GRIN2B: variants seen among roughly 807,000 people sequenced by gnomAD.
The protein encoded by GRIN2B is glutamate ionotropic receptor NMDA type subunit 2B.
Under a neutral mutation model 114.5 loss-of-function variants are expected in GRIN2B, and 5 were observed. The observed-to-expected ratio is 0.04, with a 90% CI of 0.02 to 0.09. The LOEUF (loss-of-function observed/expected upper bound fraction) is 0.09, where lower values mean the gene tolerates loss of function less well. Among genes scored for constraint, GRIN2B ranks in the 10% least tolerant of loss-of-function variants. The probability of loss-of-function intolerance (pLI) is 1.00; values close to 1 mark genes in which losing one functional copy is unlikely to be tolerated. For synonymous variants in GRIN2B, 787 were observed against 745.1 expected (o/e 1.06, Z -0.92); for missense variants, 1,108 against 1,943.5 (o/e 0.57, Z 8.08).
chr12:13,883,978 T>C (rs1372429774), intron 2 of GRIN2B, among the ~76,000 whole-genome samples: 1 of 152,212 alleles, frequency 6.6e-6, no homozygotes, highest in Non-Finnish European at 1.5e-5. Flanking sequence ...TGGCACAAGC[T>C]ATGAGTCGAG....
At position 13,579,796 on chromosome 12, in the gene GRIN2B, A is replaced by G. The variant is rs74993770; in HGVS notation, c.2011-7832T>C. ...TAAGAAGGAACAGACGCATTGTCAG[A>G]TATTTCCCTACACTACTAGCTAACA... is the stretch of plus-strand genomic sequence containing the variant. On this transcript the variant is annotated intron_variant, in intron 10 of 13. Coordinates refer to ENST00000609686, the MANE Select transcript of GRIN2B (RefSeq NM_000834.5). Among the ~76,000 whole-genome samples, 1,609 of 151,880 alleles carry G rather than the reference A, an allele frequency of 0.011. 52 individuals are homozygous for G. In the East Asian group the frequency reaches 0.12, roughly 11 times the overall value.
chr12:13,563,848 C>T lies in GRIN2B; in HGVS notation c.3390G>A (p.Arg1130=). The change falls in exon 14 of 14, where the codon CGG becomes CGA. Residue 1130 remains arginine, a synonymous_variant. Transcript: ENST00000609686. ...KRYFRDKEGL[R]DFYLDQFRTK... ...TTCGGAACTGGTCCAGGTAGAAGTC[C>T]CGTAGCCCTTCCTTGTCCCTGAAGT... 6.2e-7 allele frequency: 1 copy of T among 1,614,110 alleles called. No homozygotes were observed. The highest frequency in any genetic ancestry group is 8.5e-7 in the Non-Finnish European group (1 of 1,180,026).
rs370598393 is a variant in GRIN2B, at chr12:13,925,640, G to A, written c.-19+54288C>T. On this transcript the variant is annotated intron_variant, in intron 2 of 13. Transcript: ENST00000609686. ...GCCTCACACTTAAGGAAGGACCCCC[G>A]AAACACCCCGCACTTCCCTAACAGC... Among the ~76,000 whole-genome samples the A allele has an allele frequency of 7.9e-5, 12 of 151,978 alleles. No homozygotes were observed. In the East Asian group the frequency reaches 9.7e-4, roughly 12 times the overall value.
At position 13,738,107 on chromosome 12, in the gene GRIN2B, A is replaced by G. The variant is rs138089267; in HGVS notation, c.1010+15210T>C. Among the ~76,000 whole-genome samples the G allele has an allele frequency of 1.2e-3, 178 of 150,908 alleles. 1 individual carries two copies. The highest frequency in any genetic ancestry group is 1.9e-3 in the Non-Finnish European group (132 of 67,886). ...GCCTCCAGGAGAAACACTGTAAGATAAAGACAACCCACCATTTCTTTTCTT... is the reference window on the plus strand; with the variant it reads ...GCCTCCAGGAGAAACACTGTAAGATGAAGACAACCCACCATTTCTTTTCTT... On this transcript the variant is annotated intron_variant, in intron 4 of 13. Transcript: ENST00000609686.
chr12:13,714,286 C>G (rs2268114), intron 4 of GRIN2B, among the ~76,000 whole-genome samples: 103,992 of 151,650 alleles, frequency 0.69, 35,892 homozygotes, highest in Middle Eastern at 0.78. Flanking sequence ...CAAACAGGAG[C>G]AAAGCAGATC....
chr12:13,932,744 C>G (rs556466456), intron 2 of GRIN2B, among the ~76,000 whole-genome samples: 16 of 152,116 alleles, frequency 1.1e-4, no homozygotes, highest in Admixed American at 5.2e-4. Context: ...AGTCAAGAAC[C>G]AAAAGGTTGG....
chr12:13,847,462 A>G (rs1865489623), intron 3 of GRIN2B, among the ~76,000 whole-genome samples: 1 of 152,148 alleles, frequency 6.6e-6, no homozygotes, highest in Non-Finnish European at 1.5e-5. Flanking sequence ...GATAGCTCCA[A>G]AAGTCAAGAG....
chr12:13,714,737 T>G (rs1448220405), intron 4 of GRIN2B, among the ~76,000 whole-genome samples: 1 of 151,916 alleles, frequency 6.6e-6, no homozygotes, highest in Non-Finnish European at 1.5e-5. Flanking sequence ...TCACCTAATT[T>G]TTTTATTATT....
At chr12:13,956,910 C>A (rs1867602394) in intron 2 of GRIN2B, among the ~76,000 whole-genome samples, 1 of 152,190 alleles carries the variant, frequency 6.6e-6, no homozygotes, top group African/African-American at 2.4e-5. Context: ...AAGGAAAGTT[C>A]TTTTTCGTCC....
intron 3 of GRIN2B, among the ~76,000 whole-genome samples, chr12:13,807,828 G>A (rs1181813415): frequency 6.8e-5 from 10 of 148,050 alleles, no homozygotes; most frequent in East Asian, 6.0e-4. Flanking sequence ...TTCTGAGTCC[G>A]TCTCACAGAG....
chr12:13,549,404 A>G lies in GRIN2B; in HGVS notation c.*13379T>C, dbSNP rs534544874. The stretch of plus-strand genomic sequence containing the variant: ...CTTCAAGAATTCATTGTGTATGTGA[A>G]CTGCCTTATATTTTTCTGTTCAGAA... On this transcript the variant is annotated 3_prime_UTR_variant, in exon 14 of 14. Transcript: ENST00000609686. 1.3e-5 allele frequency: 2 copies of G among 152,272 alleles called. No individual in the cohort carries two copies. Among genetic ancestry groups the G allele is most frequent in the African/African-American group, 4.8e-5 (2 of 41,568 alleles). 9.4% of individuals were successfully genotyped at this position (152,272 alleles called of 1,614,324 possible).
At position 13,540,011 on chromosome 12, in the gene GRIN2B, G is replaced by A. The variant is rs992700701; in HGVS notation, c.*22772C>T. On this transcript the variant is annotated 3_prime_UTR_variant, in exon 14 of 14. Coordinates refer to ENST00000609686, the MANE Select transcript of GRIN2B (RefSeq NM_000834.5). ...ATGAAACCATATAATTATGGGATTTGTTTCAGAATAATACATGAGGGGGAG... is the reference window on the plus strand; with the variant it reads ...ATGAAACCATATAATTATGGGATTTATTTCAGAATAATACATGAGGGGGAG... The A allele has an allele frequency of 6.6e-6, 1 of 152,186 alleles. No individual in the cohort carries two copies. Among genetic ancestry groups the A allele is most frequent in the African/African-American group, 2.4e-5 (1 of 41,440 alleles). The allele number at this position is 152,186 out of a possible 1,614,324, so 9.4% of individuals were successfully genotyped here.
rs1271387735 is a variant in GRIN2B at position 13,875,112 on chromosome 12, C to T, written c.-18-8886G>A. Among the ~76,000 whole-genome samples, 3 of 152,134 alleles carry T rather than the reference C, an allele frequency of 2.0e-5. No individual in the cohort carries two copies. The East Asian group carries it at 5.8e-4, about 29-fold the overall frequency. On this transcript the variant is annotated intron_variant, in intron 2 of 13. Coordinates refer to ENST00000609686, the MANE Select transcript of GRIN2B (RefSeq NM_000834.5). ...CACAGGCCCCAGTGTGTATTTTTCC[C>T]CCATTCATGTATCCACGTGTTCTCA...
Position 13,681,925 on chromosome 12 carries a change from T to C in GRIN2B, c.1011-6066A>G, listed in dbSNP as rs1014211250. ...TCTTTTGAAAGACTAGAGTTTCTTT[T>C]TAGAAATTATGATTATTTATACACA... On this transcript the variant is annotated intron_variant, in intron 4 of 13. Transcript: ENST00000609686. Among the ~76,000 whole-genome samples, 3 of 152,154 alleles carry C rather than the reference T, an allele frequency of 2.0e-5. No individual in the cohort carries two copies. The East Asian group carries it at 5.8e-4, about 29-fold the overall frequency.
chr12:13,732,875 C>T (rs541390390), intron 4 of GRIN2B, among the ~76,000 whole-genome samples: 1 of 152,310 alleles, frequency 6.6e-6, no homozygotes, highest in South Asian at 2.1e-4. Context: ...TAAGTTAATT[C>T]ACTCATTTGA....
chr12:13,537,643 A>G lies in GRIN2B; in HGVS notation c.*25140T>C, dbSNP rs966329465. 3 of 152,206 alleles carry G rather than the reference A, an allele frequency of 2.0e-5. No individual in the cohort carries two copies. The highest frequency in any genetic ancestry group is 4.1e-4 in the South Asian group (2 of 4,830). 9.4% of individuals were successfully genotyped at this position (152,206 alleles called of 1,614,324 possible). A position where few individuals can be genotyped will look rare whatever the true frequency, so the allele number is the denominator to read the frequency against. ...GGAGGCCCGCTTTCCCCAGATGCAC[A>G]TACATAGTGGTTCACATTCTGGCTG... On this transcript the variant is annotated 3_prime_UTR_variant, in exon 14 of 14. Coordinates refer to ENST00000609686, the MANE Select transcript of GRIN2B (RefSeq NM_000834.5).
At chr12:13,736,196 C>T (rs956272388) in intron 4 of GRIN2B, among the ~76,000 whole-genome samples, 4 of 151,508 alleles carry the variant, frequency 2.6e-5, no homozygotes, top group Non-Finnish European at 5.9e-5. Flanking sequence ...GATGTACCCT[C>T]AGCTCCTCTG....
intron 4 of GRIN2B, among the ~76,000 whole-genome samples, chr12:13,747,846 C>G (rs1055394823): frequency 1.3e-5 from 2 of 152,168 alleles, no homozygotes; most frequent in Non-Finnish European, 2.9e-5. Flanking sequence ...GCCCATAATG[C>G]CTAAAAACTA....
intron 5 of GRIN2B, among the ~76,000 whole-genome samples, chr12:13,658,825 G>A (rs182213280): frequency 2.3e-3 from 349 of 151,836 alleles, no homozygotes; most frequent in Non-Finnish European, 3.9e-3. Context: ...GAGAACCACC[G>A]AGAAGTCAGG....
Sources: gnomAD v4.1 joint callset for allele counts (sites outside exome capture counted in the v4.1 genomes callset) on GRCh38, gnomAD v4.1.1 for gene constraint, MANE v1.5 for transcripts, NCBI Gene and HGNC (gene_info 2026-07-23, HGNC 2026-07-21) for gene names.